Variants in DST observed in about 807,000 individuals in gnomAD.
DST encodes bullous pemphigoid antigen.
A neutral mutation model predicts 875.2 loss-of-function variants in DST; 253 were observed. The ratio of observed to expected loss-of-function variants is 0.29; its 90% CI spans 0.26 to 0.32. The LOEUF is 0.32. Among genes scored for constraint, DST ranks in the 10% least tolerant of loss-of-function variants. The probability of loss-of-function intolerance (pLI) is 1.00; values close to 1 mark genes in which losing one functional copy is unlikely to be tolerated. For synonymous variants in DST, 3,124 were observed against 3,197.1 expected, an observed-to-expected ratio of 0.98 and a Z score of 0.77; for missense variants, 8,287 against 9,111.6, an observed-to-expected ratio of 0.91 and a Z score of 3.68.
intron 4 of DST, among the ~76,000 whole-genome samples, chr6:56,802,624 C>T (rs1344027924): frequency 2.0e-5 from 3 of 152,104 alleles, no homozygotes; most frequent in Admixed American, 1.3e-4. Context: ...CTCATGGGAA[C>T]GTACTAATTT....
At position 56,532,476 on chromosome 6, in the gene DST, G is replaced by GTAGATTTTC. The variant is rs1201416461; in HGVS notation, c.16967_16975dup (p.Arg5656_Ser5658dup). 1 of 1,606,304 alleles carries GTAGATTTTC rather than the reference G, an allele frequency of 6.2e-7. No individual in the cohort carries two copies. Among genetic ancestry groups the GTAGATTTTC allele is most frequent in the African/African-American group, 1.3e-5 (1 of 74,750 alleles). On this transcript the variant is annotated inframe_insertion, in exon 64 of 104. Coordinates refer to ENST00000680361, the MANE Select transcript of DST (RefSeq NM_001374736.1). ...TCCTTCTCGTTTGATTACCTCCACCGTAGATTTTCGGTCATCCAACAATCT... is the reference window on the plus strand; with the variant it reads ...TCCTTCTCGTTTGATTACCTCCACCGTAGATTTTCTAGATTTTCGGTCATCCAACAATCT...
At position 56,555,378 on chromosome 6, in the gene DST, A is replaced by T; in HGVS notation, c.15103T>A (p.Leu5035Ile). Residue 5035 changes from leucine (L) to isoleucine (I), a missense_variant, in exon 60 of 104, where the codon TTA (leucine) becomes ATA (isoleucine). Leu to Ile is a conservative substitution (Grantham distance 5, BLOSUM62 2). Around this residue, in one of 10 missense-constraint regions of DST, gnomAD observed 1,513 missense variants for 1,677.8 expected, o/e 0.90. Transcript: ENST00000680361. Reference sequence around the variant, plus strand: ...TGTTCAACATCCTTAAATGATTTTAAGATGCCTTCTAGTTGCCTACTAAGT... The same window carrying T: ...TGTTCAACATCCTTAAATGATTTTATGATGCCTTCTAGTTGCCTACTAAGT... ...AELSRQLEGI[L>I]KSFKDVEQKA... is the part of the protein sequence containing the mutation. 6.2e-7 allele frequency: 1 copy of T among 1,600,820 alleles called. No individual in the cohort carries two copies. The highest frequency in any genetic ancestry group is 8.5e-7 in the Non-Finnish European group (1 of 1,173,106).
At chr6:56,778,369 T>TC (rs1246850097) in intron 4 of DST, among the ~76,000 whole-genome samples, 1 of 150,544 alleles carries the variant, frequency 6.6e-6, no homozygotes. Flanking sequence ...TTTTTTTTTT[T>TC]CAAATCTGTT....
In DST at chr6:56,795,723, TATA is replaced by T. The variant is rs370874129; in HGVS notation, c.625+55671_625+55673del. Among the ~76,000 whole-genome samples, 514 of 152,196 alleles carry T rather than the reference TATA, an allele frequency of 3.4e-3. 4 individuals are homozygous for T. The highest frequency in any genetic ancestry group is 0.012 in the African/African-American group (499 of 41,520). On this transcript the variant is annotated intron_variant, in intron 4 of 103. Coordinates refer to ENST00000680361, the MANE Select transcript of DST (RefSeq NM_001374736.1). ...AAGCCAGGGTTAAGAATCACAATCC[TATA>T]ATGTCAAGAAAGAGTGGGGGAGGGA...
chr6:56,490,081 G>A (rs1018209732), intron 85 of DST, among the ~76,000 whole-genome samples: 6 of 152,190 alleles, frequency 3.9e-5, no homozygotes, highest in African/African-American at 1.4e-4. Context: ...CTTGTAAATT[G>A]ATTTTTTAAA....
intron 88 of DST, 83 bp from the exon 89 acceptor site, chr6:56,482,960 C>G: frequency 9.7e-7 from 1 of 1,034,000 alleles, no homozygotes; most frequent in South Asian, 2.7e-5. Flanking sequence ...TATATGTGCA[C>G]ATAACATCAT....
chr6:56,478,753 T>A (rs2095300390), intron 90 of DST, among the ~76,000 whole-genome samples: 1 of 152,196 alleles, frequency 6.6e-6, no homozygotes, highest in Non-Finnish European at 1.5e-5. Context: ...CAGAGATCGA[T>A]GATGCCCATG....
In DST at chr6:56,593,516, CAAAA is replaced by C. The variant is rs58251502; in HGVS notation, c.12726+143_12726+146del. On this transcript the variant is annotated intron_variant, in intron 48 of 103. Transcript: ENST00000680361. Reference sequence around the variant, plus strand: ...TGGGCGACAGAGTGAGACTCCTTCTCAAAAAAAAAAAAAAAAATAGAAGTAGGCT... The same window carrying C: ...TGGGCGACAGAGTGAGACTCCTTCTCAAAAAAAAAAAAATAGAAGTAGGCT... The C allele has an allele frequency of 2.8e-4, 90 of 318,992 alleles. 1 individual carries two copies. Among genetic ancestry groups the C allele is most frequent in the South Asian group, 7.4e-4 (9 of 12,102 alleles). 19.8% of individuals were successfully genotyped at this position (318,992 alleles called of 1,614,324 possible).
At chr6:56,656,924 G>C (rs1417216268) in intron 10 of DST, among the ~76,000 whole-genome samples, 2 of 152,094 alleles carry the variant, frequency 1.3e-5, no homozygotes, top group African/African-American at 2.4e-5. Context: ...TGAAGTTCCA[G>C]ATTATTACCA....
At position 56,632,735 on chromosome 6, in the gene DST, T is replaced by C. The variant is rs964953366; in HGVS notation, c.3805+119A>G. On this transcript the variant is annotated intron_variant, in intron 28 of 103. Transcript: ENST00000680361. ...TGCTTTTACCGTTCCACCAATTGTG[T>C]CTACATATCATAGGCTGGGTGATAC... The C allele has an allele frequency of 1.5e-5, 12 of 787,352 alleles. 1 individual carries two copies. The South Asian group carries it at 1.6e-4, about 11-fold the overall frequency. 48.8% of individuals were successfully genotyped at this position (787,352 alleles called of 1,614,324 possible).
At position 56,529,494 on chromosome 6, in the gene DST, T is replaced by C. The variant is rs1194834187; in HGVS notation, c.17549A>G (p.Gln5850Arg). The part of the protein sequence containing the change: ...VHDKLSKLSV[Q>R]DYSTEGLWKQ... The stretch of plus-strand genomic sequence containing the variant: ...CCATAGCCCCTCAGTGCTGTAATCC[T>C]GGACTGAGAGCTTGCTCAGTTTGTC... Residue 5850 changes from glutamine (Q) to arginine (R), a missense_variant, in exon 66 of 104, where the codon CAG becomes CGG. Transcript: ENST00000680361. 1 of 1,606,228 alleles carries C rather than the reference T, an allele frequency of 6.2e-7. No homozygotes were observed. The highest frequency in any genetic ancestry group is 1.1e-5 in the South Asian group (1 of 88,978).
chr6:56,637,581 C>A (rs183347937), intron 22 of DST, among the ~76,000 whole-genome samples: 2 of 151,914 alleles, frequency 1.3e-5, no homozygotes, highest in African/African-American at 2.4e-5. Context: ...TGGTGTAATT[C>A]TGGAATTATA....
At chr6:56,778,852 AT>A (rs1414068038) in intron 4 of DST, among the ~76,000 whole-genome samples, 1 of 152,022 alleles carries the variant, frequency 6.6e-6, no homozygotes, top group Admixed American at 6.5e-5. Flanking sequence ...ATACGTGTGC[AT>A]GTGTCTTTAC....
At chr6:56,621,153 C>T (rs1004016274) in intron 36 of DST, among the ~76,000 whole-genome samples, 5 of 152,028 alleles carry the variant, frequency 3.3e-5, no homozygotes, top group Admixed American at 3.3e-4. Context: ...AGGAAGAACA[C>T]CCAACACATA....
intron 77 of DST, 38 bp downstream of exon 77, chr6:56,506,405 T>G: frequency 6.6e-7 from 1 of 1,525,602 alleles, no homozygotes; most frequent in Non-Finnish European, 9.0e-7. Context: ...GATTCCTCCT[T>G]CCAGCTAAGA....
At chr6:56,763,682 T>TACACACACACACACACAC (rs1257855378) in intron 4 of DST, among the ~76,000 whole-genome samples, 1 of 42,716 alleles carries the variant, frequency 2.3e-5, no homozygotes, top group African/African-American at 1.2e-4. Context: ...AAAAAATACC[T>TACACACACACACACACAC]ATACACACAC....
intron 98 of DST, among the ~76,000 whole-genome samples, chr6:56,467,760 C>T (rs1341396079): frequency 6.6e-6 from 1 of 152,134 alleles, no homozygotes; most frequent in Non-Finnish European, 1.5e-5. Context: ...ATTCTCCAGA[C>T]AACTAACATC....
At chr6:56,863,845 T>G (rs2613118) in intron 3 of DST, 92,192 of 152,048 alleles carry the variant, frequency 0.61, 30,390 homozygotes, top group African/African-American at 0.87. Context: ...CCTTGTGTTT[T>G]TGTCCACAGC....
intron 61 of DST, among the ~76,000 whole-genome samples, chr6:56,548,701 AT>A (rs552217764): frequency 9.2e-5 from 14 of 152,164 alleles, no homozygotes; most frequent in Admixed American, 2.0e-4. Context: ...TGTGCATAGA[AT>A]TTAACCGTAA....
Sources: allele counts gnomAD v4.1 joint callset (sites outside exome capture counted in the v4.1 genomes callset), GRCh38; gene constraint gnomAD v4.1.1; regional missense constraint gnomAD v4.1.1; transcripts MANE v1.5; gene names NCBI Gene and HGNC (gene_info 2026-07-23, HGNC 2026-07-21).